PTPRJ: variants seen among roughly 807,000 people sequenced by gnomAD.
The protein encoded by PTPRJ is protein tyrosine phosphatase receptor type J.
Under a neutral mutation model 141.3 loss-of-function variants are expected in PTPRJ, and 129 were observed. The observed-to-expected ratio is 0.91, with a 90% CI of 0.79 to 1.06. The LOEUF (loss-of-function observed/expected upper bound fraction) is 1.06. PTPRJ is among the 50% of genes least tolerant of loss of function. PTPRJ has a pLI of 0.00. For synonymous variants in PTPRJ, 610 were observed against 640.5 expected (o/e 0.95, Z 0.72); for missense variants, 1,601 against 1,679.7 (o/e 0.95, Z 0.82).
intron 10 of PTPRJ, 35 bp from the exon 11 acceptor site, chr11:48,139,451 C>A: frequency 6.3e-7 from 1 of 1,599,714 alleles, no homozygotes; most frequent in South Asian, 1.1e-5. Context: ...GGCAAAAGTC[C>A]CGGAATCTCA....
At chr11:48,001,454 A>T (rs1270437281) in intron 1 of PTPRJ, among the ~76,000 whole-genome samples, 1 of 151,534 alleles carries the variant, frequency 6.6e-6, no homozygotes, top group Non-Finnish European at 1.5e-5. Context: ...AAGAGCACAG[A>T]TCCTTTGATT....
chr11:48,156,242 A>G, intron 21 of PTPRJ, 123 bp downstream of exon 21: 1 of 801,400 alleles, frequency 1.2e-6, no homozygotes, highest in Non-Finnish European at 1.9e-6. Flanking sequence ...CTTTATTCTT[A>G]TAAACTTGTT....
intron 2 of PTPRJ, 152 bp from the exon 3 acceptor site, chr11:48,112,595 C>T (rs567448596): frequency 4.8e-5 from 31 of 649,110 alleles, no homozygotes; most frequent in Middle Eastern, 8.3e-4. Flanking sequence ...CTGAGGGGCT[C>T]ATGTTGTAGG....
intron 1 of PTPRJ, among the ~76,000 whole-genome samples, chr11:48,075,741 G>C (rs939259030): frequency 6.6e-6 from 1 of 152,154 alleles, no homozygotes; most frequent in Non-Finnish European, 1.5e-5. Flanking sequence ...CCTGTGCTAG[G>C]CTCTTAACGT....
chr11:48,161,307 A>G (rs1857768072), intron 22 of PTPRJ, among the ~76,000 whole-genome samples: 1 of 152,206 alleles, frequency 6.6e-6, no homozygotes, highest in Admixed American at 6.5e-5. Context: ...TGAATAGTGC[A>G]TAAAAGGAAA....
chr11:48,121,236 G>C lies in PTPRJ; in HGVS notation c.586G>C (p.Gly196Arg). The C allele has an allele frequency of 1.2e-6, 2 of 1,614,126 alleles. No homozygotes were observed. The highest frequency in any genetic ancestry group is 1.7e-6 in the Non-Finnish European group (2 of 1,179,992). Residue 196 changes from glycine (G) to arginine (R), a missense_variant, in exon 4 of 25, where the codon GGA becomes CGA. Coordinates refer to ENST00000418331, the MANE Select transcript of PTPRJ (RefSeq NM_002843.4). ...TCCAGGAATAGGCAATGAGACTTGGGGAGATCCCAGAGTCATAAAAGTCAT... is the reference window on the plus strand; with the variant it reads ...TCCAGGAATAGGCAATGAGACTTGGCGAGATCCCAGAGTCATAAAAGTCAT... Reference protein sequence around the residue: ...ITPGIGNETWGDPRVIKVITE... With the variant: ...ITPGIGNETWRDPRVIKVITE...
chr11:48,137,089 A>G lies in PTPRJ; in HGVS notation c.1960A>G (p.Thr654Ala). ...SWQNFDDASP[T>A]YSYCLLIEKA... ...GCAGAACTTTGATGACGCCTCTCCC[A>G]CGTACTCCTACTGCCTTCTTATTGA... The change falls in exon 10 of 25, where the codon ACG becomes GCG. Residue 654 changes from threonine (T) to alanine (A), a missense_variant. By Grantham distance (58) the Thr-to-Ala change is moderately conservative. Transcript: ENST00000418331. The G allele has an allele frequency of 1.2e-6, 2 of 1,606,148 alleles. No individual in the cohort carries two copies. The highest frequency in any genetic ancestry group is 1.7e-6 in the Non-Finnish European group (2 of 1,172,756).
intron 1 of PTPRJ, among the ~76,000 whole-genome samples, chr11:48,037,363 A>C (rs1161065232): frequency 6.6e-6 from 1 of 152,080 alleles, no homozygotes; most frequent in Non-Finnish European, 1.5e-5. Flanking sequence ...CCTCATAATG[A>C]GATTGCCAAA....
chr11:48,103,303 A>G (rs936358521), intron 1 of PTPRJ, among the ~76,000 whole-genome samples: 1 of 152,114 alleles, frequency 6.6e-6, no homozygotes, highest in Non-Finnish European at 1.5e-5. Flanking sequence ...TACAAAAAAC[A>G]AAAATATTAG....
In PTPRJ at chr11:48,120,944, C is replaced by T. The variant is rs975036178; in HGVS notation, c.353-59C>T. The T allele has an allele frequency of 9.1e-6, 13 of 1,433,190 alleles. No homozygotes were observed. The East Asian group carries it at 2.7e-4, about 30-fold the overall frequency. The allele number at this position is 1,433,190 out of a possible 1,614,324, so 88.8% of individuals were successfully genotyped here. A position where few individuals can be genotyped will look rare whatever the true frequency, so the allele number is the denominator to read the frequency against. ...TGGAAACTAGACATATAGAGCAGAC[C>T]TCACTCTTACATTTCTTTTTGAAGT... On this transcript the variant is annotated intron_variant, in intron 3 of 24. Transcript: ENST00000418331.
intron 1 of PTPRJ, among the ~76,000 whole-genome samples, chr11:48,092,023 C>T (rs985986891): frequency 3.3e-5 from 5 of 151,532 alleles, no homozygotes; most frequent in East Asian, 2.0e-4. Flanking sequence ...TGGCTGGGTG[C>T]GGTGGCTCAT....
chr11:48,058,815 C>T (rs1025578558), intron 1 of PTPRJ, among the ~76,000 whole-genome samples: 4 of 152,160 alleles, frequency 2.6e-5, no homozygotes, highest in South Asian at 2.1e-4. Context: ...TTCCCTGGCA[C>T]GCCGAGGGGA....
intron 1 of PTPRJ, among the ~76,000 whole-genome samples, chr11:48,010,624 G>A (rs957301889): frequency 3.3e-5 from 5 of 151,614 alleles, no homozygotes; most frequent in South Asian, 2.1e-4. Flanking sequence ...TGCAACCTCC[G>A]CCTCCTGGGT....
chr11:48,149,492 A>G lies in PTPRJ; in HGVS notation c.3041+4A>G, dbSNP rs748925255. The G allele has an allele frequency of 1.3e-6, 2 of 1,483,954 alleles. No individual in the cohort carries two copies. The highest frequency in any genetic ancestry group is 1.9e-6 in the Non-Finnish European group (2 of 1,077,884). The allele number at this position is 1,483,954 out of a possible 1,614,324, so 91.9% of individuals were successfully genotyped here. On this transcript the variant is annotated splice_donor_region_variant and intron_variant, in intron 16 of 24. Transcript: ENST00000418331. ...AAGTGTCCTTTTCTCAAATTAAGTA[A>G]GTCTCTCAAATTATGAGCTTTATTT...
At chr11:48,080,157 T>C (rs916199899) in intron 1 of PTPRJ, among the ~76,000 whole-genome samples, 5 of 152,230 alleles carry the variant, frequency 3.3e-5, no homozygotes, top group African/African-American at 4.8e-5. Flanking sequence ...CCTCTCATTT[T>C]GCAGATGAGA....
intron 1 of PTPRJ, among the ~76,000 whole-genome samples, chr11:48,029,236 A>G (rs1312615474): frequency 6.6e-6 from 1 of 152,156 alleles, no homozygotes; most frequent in African/African-American, 2.4e-5. Context: ...ACCTGTGTTC[A>G]TTGCTTAGCT....
At chr11:48,122,215 C>G (rs888482089) in intron 4 of PTPRJ, among the ~76,000 whole-genome samples, 5 of 152,162 alleles carry the variant, frequency 3.3e-5, no homozygotes, top group African/African-American at 7.2e-5. Flanking sequence ...AAGGTTTGCT[C>G]TGTTACATTG....
At chr11:48,074,640 G>T (rs1038639993) in intron 1 of PTPRJ, among the ~76,000 whole-genome samples, 1 of 152,140 alleles carries the variant, frequency 6.6e-6, no homozygotes, top group African/African-American at 2.4e-5. Context: ...GTCAATTATT[G>T]TACTGATGCA....
In PTPRJ at chr11:48,139,653, A is replaced by G. The variant is rs749557733; in HGVS notation, c.2320A>G (p.Thr774Ala). 1 of 1,614,240 alleles carries G rather than the reference A, an allele frequency of 6.2e-7. No homozygotes were observed. Among genetic ancestry groups the G allele is most frequent in the Non-Finnish European group, 8.5e-7 (1 of 1,180,038 alleles). ...GGAGAGCTGCTCCTCTGAGAATGGC[A>G]CTGAGTATAGAACGGAAGTCACGTA... ...HLESCSSENG[T>A]EYRTEVTYLN... Residue 774 changes from threonine (T) to alanine (A), a missense_variant, in exon 11 of 25, where the codon ACT (threonine) becomes GCT (alanine). By Grantham distance (58) the Thr-to-Ala change is moderately conservative. Transcript: ENST00000418331.
Sources: allele counts gnomAD v4.1 joint callset (sites outside exome capture counted in the v4.1 genomes callset), GRCh38; gene constraint gnomAD v4.1.1; transcripts MANE v1.5; gene names NCBI Gene and HGNC (gene_info 2026-07-23, HGNC 2026-07-21).